MAPRE3: variants seen among roughly 807,000 people sequenced by gnomAD.
MAPRE3 encodes microtubule-associated protein RP/EB family member 3.
MAPRE3 carries 2 observed loss-of-function variants against 30.5 expected under a neutral mutation model. The observed-to-expected ratio is 0.07, with a 90% CI of 0.03 to 0.21. The LOEUF (loss-of-function observed/expected upper bound fraction) is 0.21. Among genes scored for constraint, MAPRE3 ranks in the 10% least tolerant of loss-of-function variants. MAPRE3 has a pLI of 1.00. For synonymous variants in MAPRE3, 110 were observed against 127.7 expected, an observed-to-expected ratio of 0.86 and a Z score of 0.93; for missense variants, 204 against 351.8, an observed-to-expected ratio of 0.58 and a Z score of 3.36.
At chr2:26,979,671 G>C (rs1400425417) in intron 1 of MAPRE3, among the ~76,000 whole-genome samples, 2 of 152,242 alleles carry the variant, frequency 1.3e-5, no homozygotes, top group African/African-American at 4.8e-5. Flanking sequence ...CAGAACACCA[G>C]AGAGGGCTTT....
chr2:26,978,764 A>G (rs1006576977), intron 1 of MAPRE3, among the ~76,000 whole-genome samples: 1 of 152,224 alleles, frequency 6.6e-6, no homozygotes, highest in Admixed American at 6.5e-5. Flanking sequence ...ATTCTTCATC[A>G]AGCCCTTTCT....
intron 4 of MAPRE3, 118 bp downstream of exon 4, chr2:27,024,415 C>A: frequency 2.2e-6 from 2 of 926,756 alleles, no homozygotes; most frequent in Non-Finnish European, 3.2e-6. Flanking sequence ...CTTGTTATCA[C>A]GGAGTTCGGA....
intron 1 of MAPRE3, among the ~76,000 whole-genome samples, chr2:26,987,759 T>C (rs747995087): frequency 1.3e-5 from 2 of 152,096 alleles, no homozygotes; most frequent in Non-Finnish European, 2.9e-5. Flanking sequence ...AGGACAGAAA[T>C]GTTTGTGTTC....
At position 27,015,142 on chromosome 2, in the gene MAPRE3, G is replaced by A. The variant is rs1173110452; in HGVS notation, c.-7-7070G>A. ...CTCCTTTCTGGACTGGCATTTCCAT[G>A]GTCTGAGACCAGAGGCTGGCTGTGT... On this transcript the variant is annotated intron_variant, in intron 1 of 6. Coordinates refer to ENST00000233121, the MANE Select transcript of MAPRE3 (RefSeq NM_012326.4). The surrounding 1 kb of genome is among the most constrained non-coding windows in gnomAD (Gnocchi z 4.0). 1.3e-5 allele frequency among the ~76,000 whole-genome samples: 2 copies of A among 152,214 alleles called. No homozygotes were observed. Among genetic ancestry groups the A allele is most frequent in the Non-Finnish European group, 2.9e-5 (2 of 68,040 alleles).
chr2:27,023,689 C>T, intron 3 of MAPRE3: 1 of 588,204 alleles, frequency 1.7e-6, no homozygotes, highest in Non-Finnish European at 3.1e-6. Context: ...CATTCCTTTC[C>T]CTTCCTCCTC....
At chr2:26,994,130 C>CT (rs1208165159) in intron 1 of MAPRE3, among the ~76,000 whole-genome samples, 1 of 152,194 alleles carries the variant, frequency 6.6e-6, no homozygotes, top group Non-Finnish European at 1.5e-5. Flanking sequence ...TCTGAGGAAA[C>CT]TGACACAATT....
At chr2:26,995,322 A>G (rs1305227539) in intron 1 of MAPRE3, among the ~76,000 whole-genome samples, 1 of 152,198 alleles carries the variant, frequency 6.6e-6, no homozygotes, top group Non-Finnish European at 1.5e-5. Context: ...TTTGTCCTAG[A>G]TATTAATAGG....
At chr2:27,014,548 G>T (rs941030114) in intron 1 of MAPRE3, 1 of 152,370 alleles carries the variant, frequency 6.6e-6, no homozygotes, top group Admixed American at 6.5e-5. Context: ...GTGGGAGGGG[G>T]CGCATGCTGG....
intron 1 of MAPRE3, among the ~76,000 whole-genome samples, chr2:26,976,353 C>CA (rs1666013923): frequency 6.6e-6 from 1 of 152,240 alleles, no homozygotes; most frequent in Non-Finnish European, 1.5e-5. Context: ...ATCATTTGGA[C>CA]ATGTGCTTTG....
At chr2:26,990,562 CAA>C (rs1274685163) in intron 1 of MAPRE3, among the ~76,000 whole-genome samples, 1 of 152,100 alleles carries the variant, frequency 6.6e-6, no homozygotes, top group Non-Finnish European at 1.5e-5. Flanking sequence ...AAAAAACTCA[CAA>C]TATTTCTATT....
intron 1 of MAPRE3, among the ~76,000 whole-genome samples, chr2:26,978,564 C>T (rs941716170): frequency 1.3e-5 from 2 of 152,214 alleles, no homozygotes; most frequent in African/African-American, 4.8e-5. Flanking sequence ...CCTATTAACA[C>T]TCTTAAGTGA....
chr2:26,981,782 C>T (rs13020526), intron 1 of MAPRE3, among the ~76,000 whole-genome samples: 80,449 of 151,434 alleles, frequency 0.53, 22,595 homozygotes, highest in East Asian at 0.76. Context: ...AAGAGTGGCA[C>T]CCAGCCAGCA....
chr2:27,003,134 G>C (rs1666640431), intron 1 of MAPRE3: 1 of 152,482 alleles, frequency 6.6e-6, no homozygotes, highest in Non-Finnish European at 1.5e-5. Context: ...CTGGTGAGCA[G>C]TTAGCCACTA....
At chr2:27,003,905 G>A (rs570708047) in intron 1 of MAPRE3, among the ~76,000 whole-genome samples, 15 of 152,236 alleles carry the variant, frequency 9.9e-5, no homozygotes, top group African/African-American at 2.6e-4. Context: ...GAATTGACAC[G>A]TGTGAGGTTC....
chr2:26,981,294 G>T (rs1163454226), intron 1 of MAPRE3, among the ~76,000 whole-genome samples: 4 of 152,074 alleles, frequency 2.6e-5, no homozygotes, highest in Non-Finnish European at 5.9e-5. Context: ...TCAGGGCAAG[G>T]TTTCTGAGGA....
rs181396599 is a variant in MAPRE3, at chr2:26,973,326, C to T, written c.-8+2524C>T. 3.0e-3 allele frequency among the ~76,000 whole-genome samples: 462 copies of T among 152,240 alleles called. 5 individuals carry two copies. Among genetic ancestry groups the T allele is most frequent in the Non-Finnish European group, 4.9e-3 (335 of 68,022 alleles). On this transcript the variant is annotated intron_variant, in intron 1 of 6. Transcript: ENST00000233121. ...TGAGTTTCTTCTAGTCCTTCCTGCA[C>T]GCCAGCACACATTGTGGGGTTGTAT...
chr2:27,012,473 A>T (rs1272237526), intron 1 of MAPRE3: 1 of 152,210 alleles, frequency 6.6e-6, no homozygotes, highest in Non-Finnish European at 1.5e-5. Context: ...AGCAAAATTG[A>T]GGTAACAACT....
At position 27,015,972 on chromosome 2, in the gene MAPRE3, T is replaced by A. The variant is rs1199649180; in HGVS notation, c.-7-6240T>A. ...TGAGAGCTGTAATTGCCTTTCCCAG[T>A]TGCCTGTGAATGCACCATGAACCTT... On this transcript the variant is annotated intron_variant, in intron 1 of 6. Coordinates refer to ENST00000233121, the MANE Select transcript of MAPRE3 (RefSeq NM_012326.4). This position sits in a 1 kb window ranked among gnomAD's most constrained non-coding sequence, Gnocchi z 4.0. 6.6e-6 allele frequency among the ~76,000 whole-genome samples: 1 copy of A among 152,202 alleles called. No homozygotes were observed. Among genetic ancestry groups the A allele is most frequent in the African/African-American group, 2.4e-5 (1 of 41,456 alleles).
At chr2:27,006,692 C>T (rs1205600326) in intron 1 of MAPRE3, among the ~76,000 whole-genome samples, 1 of 152,142 alleles carries the variant, frequency 6.6e-6, no homozygotes, top group Non-Finnish European at 1.5e-5. Flanking sequence ...CCCCAGACTC[C>T]CAAACCACTG....
Sources: allele counts gnomAD v4.1 joint callset (sites outside exome capture counted in the v4.1 genomes callset), GRCh38; gene constraint gnomAD v4.1.1; non-coding constraint Gnocchi (gnomAD v3.1); transcripts MANE v1.5; gene names NCBI Gene and HGNC (gene_info 2026-07-23, HGNC 2026-07-21).